Variants in PHACTR4 observed in about 807,000 individuals in gnomAD.
PHACTR4 encodes the protein protein phosphatase 1, regulatory subunit 124.
PHACTR4 carries 51 observed loss-of-function variants against 72.7 expected under a neutral mutation model. The ratio of observed to expected loss-of-function variants is 0.70; its 90% CI spans 0.56 to 0.89. The LOEUF (loss-of-function observed/expected upper bound fraction) is 0.89. PHACTR4 is among the 40% of genes least tolerant of loss of function. The pLI, the probability that PHACTR4 is intolerant of heterozygous loss-of-function variation, is 0.00. For synonymous variants in PHACTR4, 255 were observed against 302.5 expected (o/e 0.84, Z 1.63); for missense variants, 731 against 861.8 (o/e 0.85, Z 1.90).
chr1:28,479,618 G>C (rs1039302180), intron 8 of PHACTR4, among the ~76,000 whole-genome samples: 11 of 151,156 alleles, frequency 7.3e-5, no homozygotes, highest in South Asian at 6.3e-4. Flanking sequence ...AGGCGTGGTG[G>C]CTCACGCCTA....
chr1:28,406,200 A>G (rs1049324039), intron 1 of PHACTR4, among the ~76,000 whole-genome samples: 2 of 152,228 alleles, frequency 1.3e-5, no homozygotes, highest in African/African-American at 4.8e-5. Context: ...CATTTCCAGT[A>G]CAAACCTATG....
chr1:28,443,886 G>A (rs1657231689), intron 2 of PHACTR4, among the ~76,000 whole-genome samples: 1 of 152,102 alleles, frequency 6.6e-6, no homozygotes. Flanking sequence ...CAGTAAACAT[G>A]GAAGTGCAGA....
intron 1 of PHACTR4, among the ~76,000 whole-genome samples, chr1:28,389,512 T>C (rs1652832255): frequency 6.7e-6 from 1 of 148,462 alleles, no homozygotes; most frequent in Admixed American, 6.8e-5. Flanking sequence ...ACAGTCTCGC[T>C]CTGTTGCCAG....
intron 9 of PHACTR4, among the ~76,000 whole-genome samples, chr1:28,482,428 T>A (rs1213252393): frequency 1.3e-5 from 2 of 152,134 alleles, no homozygotes; most frequent in Admixed American, 1.3e-4. Flanking sequence ...TCAAGTCAAC[T>A]GGAACCAAAA....
chr1:28,392,157 C>T (rs1653101625), intron 1 of PHACTR4, among the ~76,000 whole-genome samples: 1 of 152,094 alleles, frequency 6.6e-6, no homozygotes, highest in Non-Finnish European at 1.5e-5. Context: ...TAGTTTTAAA[C>T]AGCATGCCAT....
At chr1:28,457,938 T>C in intron 2 of PHACTR4, 1 of 874,942 alleles carries the variant, frequency 1.1e-6, no homozygotes, top group Non-Finnish European at 1.4e-6. Context: ...TTTTCCTTTC[T>C]TTAAATTCTT....
chr1:28,420,687 C>T (rs182663354), intron 2 of PHACTR4, among the ~76,000 whole-genome samples: 2 of 152,176 alleles, frequency 1.3e-5, no homozygotes, highest in East Asian at 3.9e-4. Flanking sequence ...GAGTTATTTA[C>T]AATAACAACC....
chr1:28,394,656 G>T (rs538712499), intron 1 of PHACTR4, among the ~76,000 whole-genome samples: 1 of 151,800 alleles, frequency 6.6e-6, no homozygotes, highest in Non-Finnish European at 1.5e-5. Context: ...GAGTGCAGTG[G>T]CACGATCTCG....
At chr1:28,405,729 A>T (rs1221801679) in intron 1 of PHACTR4, among the ~76,000 whole-genome samples, 6 of 151,916 alleles carry the variant, frequency 3.9e-5, no homozygotes, top group African/African-American at 1.4e-4. Flanking sequence ...TGTCTCTACT[A>T]AAAATACAAA....
chr1:28,389,693 G>A (rs1652850136), intron 1 of PHACTR4, among the ~76,000 whole-genome samples: 1 of 152,116 alleles, frequency 6.6e-6, no homozygotes, highest in African/African-American at 2.4e-5. Flanking sequence ...GGCCAAGATG[G>A]TCTTGATCTC....
intron 1 of PHACTR4, among the ~76,000 whole-genome samples, chr1:28,372,538 C>G (rs935619679): frequency 6.6e-6 from 1 of 152,020 alleles, no homozygotes; most frequent in African/African-American, 2.4e-5. Context: ...GAAGAAGCAA[C>G]CACAGAATTG....
intron 1 of PHACTR4, among the ~76,000 whole-genome samples, chr1:28,394,169 T>C (rs1266823497): frequency 6.6e-6 from 1 of 150,416 alleles, no homozygotes; most frequent in Non-Finnish European, 1.5e-5. Context: ...TGGAAGACAG[T>C]GATATTCTTG....
intron 1 of PHACTR4, among the ~76,000 whole-genome samples, chr1:28,374,499 C>T (rs897333503): frequency 6.6e-6 from 1 of 152,186 alleles, no homozygotes; most frequent in African/African-American, 2.4e-5. Context: ...AAATGCATAA[C>T]ATGCCAATGG....
intron 2 of PHACTR4, among the ~76,000 whole-genome samples, chr1:28,415,920 A>T (rs771971791): frequency 2.6e-5 from 4 of 152,162 alleles, no homozygotes; most frequent in Non-Finnish European, 5.9e-5. Flanking sequence ...CTTATTCTGT[A>T]TCTGAATTTA....
At chr1:28,378,636 ATGTTT>A (rs1651900460) in intron 1 of PHACTR4, among the ~76,000 whole-genome samples, 1 of 126,984 alleles carries the variant, frequency 7.9e-6, no homozygotes. Context: ...AGTATTTAGA[ATGTTT>A]TGTTTTGTTT....
At chr1:28,426,689 G>T (rs1336763579) in intron 2 of PHACTR4, among the ~76,000 whole-genome samples, 1 of 150,920 alleles carries the variant, frequency 6.6e-6, no homozygotes, top group Non-Finnish European at 1.5e-5. Context: ...CGTGGAATTG[G>T]TTCTTTGAGA....
chr1:28,496,492 G>GTACA, intron 13 of PHACTR4, 42 bp from the exon 14 acceptor site: 1 of 1,607,328 alleles, frequency 6.2e-7, no homozygotes, highest in Non-Finnish European at 8.5e-7. Context: ...GCAAAGCAAT[G>GTACA]TACATCATGT....
At chr1:28,444,843 G>A (rs1657331587) in intron 2 of PHACTR4, among the ~76,000 whole-genome samples, 1 of 148,376 alleles carries the variant, frequency 6.7e-6, no homozygotes, top group African/African-American at 2.5e-5. Flanking sequence ...TAGCCAGGAT[G>A]GTCTCGATCT....
At chr1:28,473,275 CAAA>C (rs759485996) in intron 6 of PHACTR4, among the ~76,000 whole-genome samples, 12 of 82,252 alleles carry the variant, frequency 1.5e-4, no homozygotes, top group East Asian at 4.0e-4. Flanking sequence ...GACCCTGTCT[CAAA>C]AAAAAAAAAA....
Sources: gnomAD v4.1 joint callset for allele counts (sites outside exome capture counted in the v4.1 genomes callset) on GRCh38, gnomAD v4.1.1 for gene constraint, MANE v1.5 for transcripts, NCBI Gene and HGNC (gene_info 2026-07-23, HGNC 2026-07-21) for gene names.